Variants in RANBP17 observed in about 807,000 individuals in gnomAD.
RANBP17 encodes RAN binding protein 17, also known as ran-binding protein 17.
In RANBP17, 158 loss-of-function variants were observed where a neutral mutation model predicts 141.2. The ratio of observed to expected loss-of-function variants is 1.12; its 90% CI spans 0.98 to 1.28. The LOEUF is 1.28. Among genes scored for constraint, RANBP17 ranks in the 50% most tolerant of loss-of-function variants. The pLI is 0.00. For missense variants in RANBP17, 1,438 were observed against 1,290.7 expected (o/e 1.11, Z -1.75); for synonymous variants, 430 against 450.0 (o/e 0.96, Z 0.56).
At chr5:170,890,327 A>G (rs1769492763) in intron 3 of RANBP17, among the ~76,000 whole-genome samples, 1 of 152,208 alleles carries the variant, frequency 6.6e-6, no homozygotes, top group South Asian at 2.1e-4. Context: ...AACAAAGCTT[A>G]GAACCATATT....
At chr5:170,978,293 C>T (rs991507480) in intron 14 of RANBP17, among the ~76,000 whole-genome samples, 6 of 151,982 alleles carry the variant, frequency 3.9e-5, no homozygotes, top group Non-Finnish European at 7.4e-5. Flanking sequence ...AACTATTTGG[C>T]GATGTACTAA....
rs201216747 is a variant in RANBP17 at position 171,093,214 on chromosome 5, C to A, written c.1711-76916C>A. On this transcript the variant is annotated intron_variant, in intron 14 of 27. Transcript: ENST00000523189. Reference sequence around the variant, plus strand: ...AATAGCAGTGGAACTCAGTCTCCCCCCAAAAAAAAAAAATAGACATTTTTA... The same window carrying A: ...AATAGCAGTGGAACTCAGTCTCCCCACAAAAAAAAAAAATAGACATTTTTA... Among the ~76,000 whole-genome samples, 91 of 141,346 alleles carry A rather than the reference C, an allele frequency of 6.4e-4. 2 individuals carry two copies. In the South Asian group the frequency reaches 0.014, roughly 22 times the overall value. 92.7% of individuals were successfully genotyped at this position (141,346 alleles called of 152,430 possible). A position where few individuals can be genotyped will look rare whatever the true frequency, so the allele number is the denominator to read the frequency against.
intron 22 of RANBP17, among the ~76,000 whole-genome samples, chr5:171,226,274 C>A (rs1763872504): frequency 6.6e-6 from 1 of 152,130 alleles, no homozygotes; most frequent in South Asian, 2.1e-4. Flanking sequence ...CTCTTTGCCT[C>A]TGGGTCCTGG....
intron 14 of RANBP17, among the ~76,000 whole-genome samples, chr5:171,134,065 A>G (rs1338898026): frequency 6.6e-6 from 1 of 152,232 alleles, no homozygotes; most frequent in African/African-American, 2.4e-5. Flanking sequence ...ATGAATACTT[A>G]TTGCATAAGT....
intron 26 of RANBP17, among the ~76,000 whole-genome samples, chr5:171,294,546 T>C (rs759417619): frequency 1.5e-3 from 230 of 152,160 alleles, no homozygotes; most frequent in Non-Finnish European, 2.8e-3. Flanking sequence ...ATGAATTGTC[T>C]ATACAATAAG....
At chr5:171,234,433 A>G (rs2127991643) in intron 22 of RANBP17, among the ~76,000 whole-genome samples, 1 of 152,322 alleles carries the variant, frequency 6.6e-6, no homozygotes, top group Middle Eastern at 3.4e-3. Flanking sequence ...CAGGAATGAC[A>G]TGACCTGACC....
intron 12 of RANBP17, among the ~76,000 whole-genome samples, chr5:170,951,767 C>G (rs570837224): frequency 1.3e-5 from 2 of 152,078 alleles, no homozygotes; most frequent in South Asian, 4.2e-4. Flanking sequence ...GTGATAGGCT[C>G]ATGGATTGAA....
intron 12 of RANBP17, among the ~76,000 whole-genome samples, chr5:170,925,727 A>G: frequency 6.6e-6 from 1 of 152,066 alleles, no homozygotes; most frequent in East Asian, 1.9e-4. Flanking sequence ...TTATTACCAC[A>G]TGTGTATGCA....
At chr5:171,209,413 A>C (rs1762751223) in intron 20 of RANBP17, among the ~76,000 whole-genome samples, 1 of 152,196 alleles carries the variant, frequency 6.6e-6, no homozygotes, top group Non-Finnish European at 1.5e-5. Context: ...TTCAAGAAGA[A>C]AGTAATTGGC....
At chr5:170,936,283 G>A (rs773161796) in intron 12 of RANBP17, among the ~76,000 whole-genome samples, 9 of 152,090 alleles carry the variant, frequency 5.9e-5, no homozygotes, top group African/African-American at 2.2e-4. Flanking sequence ...GGGCTGCACC[G>A]ACTTGTTTGG....
At chr5:171,170,227 A>G (rs1561727282) in intron 15 of RANBP17, 24 bp downstream of exon 15, 2 of 1,394,726 alleles carry the variant, frequency 1.4e-6, no homozygotes, top group Admixed American at 2.0e-5. Flanking sequence ...TTGGTCTTTA[A>G]TTTTTCTTTT....
intron 14 of RANBP17, among the ~76,000 whole-genome samples, chr5:171,012,390 A>G (rs1030355155): frequency 9.2e-5 from 14 of 152,126 alleles, no homozygotes; most frequent in African/African-American, 3.1e-4. Context: ...GTAAAATTCT[A>G]TAGCTGTTTT....
At chr5:170,862,953 GAGA>G (rs2127293870) in intron 1 of RANBP17, among the ~76,000 whole-genome samples, 1 of 152,308 alleles carries the variant, frequency 6.6e-6, no homozygotes, top group African/African-American at 2.4e-5. Flanking sequence ...TGTGTATGTT[GAGA>G]AGGAGTGAAG....
At chr5:171,092,080 A>C (rs1786333111) in intron 14 of RANBP17, among the ~76,000 whole-genome samples, 1 of 152,196 alleles carries the variant, frequency 6.6e-6, no homozygotes. Flanking sequence ...TTTTATTTTG[A>C]TGAAGTGATC....
chr5:171,007,478 G>A (rs1779728165), intron 14 of RANBP17, among the ~76,000 whole-genome samples: 1 of 152,082 alleles, frequency 6.6e-6, no homozygotes, highest in Admixed American at 6.5e-5. Context: ...AAGGAAGTGA[G>A]AGGTCAGATG....
At chr5:171,215,336 G>A (rs1043073049) in intron 21 of RANBP17, among the ~76,000 whole-genome samples, 4 of 151,930 alleles carry the variant, frequency 2.6e-5, no homozygotes, top group Non-Finnish European at 4.4e-5. Flanking sequence ...TCCAATCTTC[G>A]CTATTGCAAA....
intron 14 of RANBP17, among the ~76,000 whole-genome samples, chr5:171,048,790 G>C (rs533580088): frequency 3.1e-4 from 47 of 152,294 alleles, no homozygotes; most frequent in African/African-American, 1.1e-3. Flanking sequence ...ATCCATTCAT[G>C]TTGCTGCAGA....
Position 171,242,817 on chromosome 5 carries a change from C to T in RANBP17, c.2773C>T (p.Leu925Phe). ...ATCTATCTCAGAGGGACTCACTACT[C>T]TTGGTAAGGATCATAGAGGACATTG... ...LTSISEGLTT[L>F]DTVVSSSCCT... The change falls in exon 24 of 28, where the codon CTT becomes TTT. Residue 925 changes from leucine to phenylalanine, a missense_variant. By Grantham distance (22) the Leu-to-Phe change is conservative. Transcript: ENST00000523189. 4 of 1,613,494 alleles carry T rather than the reference C, an allele frequency of 2.5e-6. No individual in the cohort carries two copies. Among genetic ancestry groups the T allele is most frequent in the Non-Finnish European group, 3.4e-6 (4 of 1,179,598 alleles).
rs550789911 is a variant in RANBP17 at position 171,257,911 on chromosome 5, G to A, written c.2777-7770G>A. Among the ~76,000 whole-genome samples, 10 of 152,002 alleles carry A rather than the reference G, an allele frequency of 6.6e-5. No individual in the cohort carries two copies. The East Asian group carries it at 1.9e-3, about 29-fold the overall frequency. ...ACCTGAGGTCGGGAGTTCAAGACCA[G>A]CCTGACCAACATGGAGAAACCCCGC... On this transcript the variant is annotated intron_variant, in intron 24 of 27. Transcript: ENST00000523189.
Sources: gnomAD v4.1 joint callset for allele counts (sites outside exome capture counted in the v4.1 genomes callset) on GRCh38, gnomAD v4.1.1 for gene constraint, MANE v1.5 for transcripts, NCBI Gene and HGNC (gene_info 2026-07-23, HGNC 2026-07-21) for gene names.